The following CACNA1E variants were observed in gnomAD, a reference collection of about 807,000 sequenced individuals.
The protein encoded by CACNA1E is calcium voltage-gated channel subunit alpha1 E, also known as voltage-dependent R-type calcium channel subunit alpha-1E.
A neutral mutation model predicts 259.2 loss-of-function variants in CACNA1E; 40 were observed. The observed-to-expected ratio is 0.15, with a 90% CI of 0.12 to 0.20. The LOEUF is 0.20. Ranked by LOEUF, CACNA1E falls within the 10% of genes least tolerant of loss-of-function variation. CACNA1E has a pLI of 1.00. For synonymous variants in CACNA1E, 1,104 were observed against 1,138.5 expected, an observed-to-expected ratio of 0.97 and a Z score of 0.61; for missense variants, 1,874 against 3,040.1, an observed-to-expected ratio of 0.62 and a Z score of 9.02.
chr1:181,510,346 G>C, intron 1 of CACNA1E, 131 bp from the exon 2 acceptor site: 1 of 678,908 alleles, frequency 1.5e-6, no homozygotes, highest in South Asian at 1.7e-5. Context: ...CTGCCTGCCT[G>C]TTTACAAATA....
Position 181,737,517 on chromosome 1 carries a change from G to A in CACNA1E, c.3423-8G>A, listed in dbSNP as rs765922588. 6.2e-7 allele frequency: 1 copy of A among 1,613,558 alleles called. No individual in the cohort carries two copies. Among genetic ancestry groups the A allele is most frequent in the South Asian group, 1.1e-5 (1 of 91,040 alleles). ...GTGGGCCAGCTCAGCCATGCCCACT[G>A]CCCGCAGGATCCGGAGGGCCTGCCA... On this transcript the variant is annotated splice_region_variant and splice_polypyrimidine_tract_variant and intron_variant, in intron 22 of 47. Coordinates refer to ENST00000367573, the MANE Select transcript of CACNA1E (RefSeq NM_001205293.3).
rs1159850083 is a variant in CACNA1E at position 181,804,195 on chromosome 1, T to TAGC, written c.*5362_*5363insGCA. ...GTTTGGTTGGTGGCTGGGTTTCTTG[T>TAGC]AACAGACCTATTCTGGAATAGCAAA... On this transcript the variant is annotated 3_prime_UTR_variant, in exon 48 of 48. Transcript: ENST00000367573. The TAGC allele has an allele frequency of 5.9e-5, 9 of 152,190 alleles. No homozygotes were observed. Among genetic ancestry groups the TAGC allele is most frequent in the African/African-American group, 2.2e-4 (9 of 41,440 alleles). The allele number at this position is 152,190 out of a possible 1,614,324, so 9.4% of individuals were successfully genotyped here. A position where few individuals can be genotyped will look rare whatever the true frequency, so the allele number is the denominator to read the frequency against.
At chr1:181,472,716 C>A (rs565782822) in intron 2 of CACNA1E, among the ~76,000 whole-genome samples, 1 of 152,160 alleles carries the variant, frequency 6.6e-6, no homozygotes, top group Non-Finnish European at 1.5e-5. Context: ...TTTAGATGCA[C>A]GCGTGCGTGT....
intron 6 of CACNA1E, among the ~76,000 whole-genome samples, chr1:181,583,892 A>T (rs1651799442): frequency 6.6e-6 from 1 of 152,136 alleles, no homozygotes; most frequent in African/African-American, 2.4e-5. Context: ...TCTGTCCCAA[A>T]GGTCTCCTCG....
chr1:181,482,935 C>T (rs1214365743), upstream of CACNA1E, among the ~76,000 whole-genome samples: 1 of 152,290 alleles, frequency 6.6e-6, no homozygotes, highest in Non-Finnish European at 1.5e-5. Context: ...TCAGGCTTCG[C>T]TGCTCTCTGG....
chr1:181,716,533 C>G (rs1653919308), intron 10 of CACNA1E, among the ~76,000 whole-genome samples: 1 of 152,186 alleles, frequency 6.6e-6, no homozygotes, highest in Non-Finnish European at 1.5e-5. Flanking sequence ...TGCTTAACAA[C>G]AGTAGCCCCC....
chr1:181,336,132 G>A (rs575426939), intron 1 of CACNA1E, among the ~76,000 whole-genome samples: 29 of 152,168 alleles, frequency 1.9e-4, no homozygotes, highest in Admixed American at 1.5e-3. Flanking sequence ...ACATTTGCTC[G>A]TACAGTGAGG....
At chr1:181,398,605 C>T (rs1656863823) in intron 1 of CACNA1E, among the ~76,000 whole-genome samples, 1 of 152,212 alleles carries the variant, frequency 6.6e-6, no homozygotes, top group Non-Finnish European at 1.5e-5. Context: ...CTGGAGGCAC[C>T]TCCTGGCAGC....
chr1:181,750,698 CT>C (rs1251218227), intron 26 of CACNA1E, among the ~76,000 whole-genome samples: 3 of 152,128 alleles, frequency 2.0e-5, no homozygotes, highest in African/African-American at 7.2e-5. Context: ...CATATGTTGC[CT>C]CTTTTAGGTA....
At chr1:181,711,270 C>T (rs1323555387) in intron 8 of CACNA1E, among the ~76,000 whole-genome samples, 1 of 152,208 alleles carries the variant, frequency 6.6e-6, no homozygotes, top group Non-Finnish European at 1.5e-5. Context: ...CAAACTGTCC[C>T]AACACCTTAA....
chr1:181,700,751 C>T (rs1314610493), intron 7 of CACNA1E, among the ~76,000 whole-genome samples: 1 of 152,158 alleles, frequency 6.6e-6, no homozygotes, highest in Non-Finnish European at 1.5e-5. Context: ...TCCTATACAT[C>T]CCATCCCATT....
At chr1:181,537,095 C>CTTTTTTTT (rs201514362) in intron 3 of CACNA1E, among the ~76,000 whole-genome samples, 1 of 112,632 alleles carries the variant, frequency 8.9e-6, no homozygotes, top group Non-Finnish European at 1.7e-5. Context: ...TTTTTCTTTT[C>CTTTTTTTT]TTTTTTTTTT....
chr1:181,703,551 A>C (rs569235440), intron 7 of CACNA1E, among the ~76,000 whole-genome samples: 1 of 152,332 alleles, frequency 6.6e-6, no homozygotes, highest in Admixed American at 6.5e-5. Flanking sequence ...ATTAATTGTC[A>C]TGCTTTTCTT....
chr1:181,337,312 C>T (rs893678422), intron 1 of CACNA1E, among the ~76,000 whole-genome samples: 6 of 145,896 alleles, frequency 4.1e-5, no homozygotes, highest in East Asian at 3.9e-4. Flanking sequence ...CCCGCCACCA[C>T]GCCTGGCTAA....
At chr1:181,413,826 G>C (rs1021169852) in intron 2 of CACNA1E, among the ~76,000 whole-genome samples, 7 of 152,348 alleles carry the variant, frequency 4.6e-5, no homozygotes, top group Admixed American at 2.6e-4. Flanking sequence ...GGGTGAATCA[G>C]CCTTGCCCCC....
intron 7 of CACNA1E, among the ~76,000 whole-genome samples, chr1:181,666,322 G>A (rs1348471368): frequency 6.6e-6 from 1 of 152,128 alleles, no homozygotes; most frequent in Non-Finnish European, 1.5e-5. Context: ...GTGCCAGGCA[G>A]TATTCTAGAT....
At chr1:181,625,073 A>G (rs1279427827) in intron 6 of CACNA1E, among the ~76,000 whole-genome samples, 1 of 135,998 alleles carries the variant, frequency 7.4e-6, no homozygotes, top group Non-Finnish European at 1.5e-5. Context: ...TTTTTTTGAG[A>G]AGCAGATCTC....
At chr1:181,421,941 C>T (rs150772483) in intron 2 of CACNA1E, among the ~76,000 whole-genome samples, 33 of 152,264 alleles carry the variant, frequency 2.2e-4, no homozygotes, top group African/African-American at 7.7e-4. Context: ...AAGCCCTATC[C>T]GACCTGAGCT....
At chr1:181,343,350 T>C (rs1177910248) in intron 1 of CACNA1E, among the ~76,000 whole-genome samples, 1 of 152,166 alleles carries the variant, frequency 6.6e-6, no homozygotes, top group African/African-American at 2.4e-5. Flanking sequence ...CGATTCCTCA[T>C]GAGCAGCTTA....
Sources: allele counts gnomAD v4.1 joint callset (sites outside exome capture counted in the v4.1 genomes callset), GRCh38; gene constraint gnomAD v4.1.1; transcripts MANE v1.5; gene names NCBI Gene and HGNC (gene_info 2026-07-23, HGNC 2026-07-21).